The following CSNK2A2IP variants were observed in gnomAD, a reference collection of about 807,000 sequenced individuals.
CSNK2A2IP encodes casein kinase 2 subunit alpha' interacting protein.
At chr3:88,357,797 C>T in the CSNK2A2IP span, among the ~76,000 whole-genome samples, 2 of 152,002 alleles carry the variant, frequency 1.3e-5, no homozygotes, top group East Asian at 3.9e-4. Flanking sequence ...CTCTGTCACC[C>T]AGGCTGGAGT....
At chr3:88,375,500 T>A in the CSNK2A2IP span, among the ~76,000 whole-genome samples, 1 of 151,678 alleles carries the variant, frequency 6.6e-6, no homozygotes, top group African/African-American at 2.4e-5. Context: ...GGGTTAAGAT[T>A]TGTGATAGGT....
At chr3:88,465,261 G>A in the CSNK2A2IP span, 1 of 640,918 alleles carries the variant, frequency 1.6e-6, no homozygotes, top group Non-Finnish European at 2.2e-6. Context: ...TTATGTAAAA[G>A]TATCCATTTT....
the CSNK2A2IP span, among the ~76,000 whole-genome samples, chr3:88,459,075 T>A: frequency 0.035 from 5,342 of 152,112 alleles, 320 homozygotes; most frequent in African/African-American, 0.12. Flanking sequence ...TTATTGCAAT[T>A]TCCAATGATA....
the CSNK2A2IP span, among the ~76,000 whole-genome samples, chr3:88,452,695 A>G: frequency 2.0e-5 from 3 of 152,168 alleles, no homozygotes; most frequent in Non-Finnish European, 4.4e-5. Context: ...TGGAAATAGT[A>G]GCCTAGGAAT....
the CSNK2A2IP span, among the ~76,000 whole-genome samples, chr3:88,378,335 C>T: frequency 6.6e-6 from 1 of 151,664 alleles, no homozygotes; most frequent in Non-Finnish European, 1.5e-5. Context: ...ATGAACTGAA[C>T]TTCTGAATAC....
chr3:88,466,886 A>G, the CSNK2A2IP span: 3 of 1,220,608 alleles, frequency 2.5e-6, no homozygotes, highest in South Asian at 8.3e-5. Flanking sequence ...CCTGAGGCCA[A>G]TTCTGAGGGC....
At chr3:88,425,141 T>A in the CSNK2A2IP span, among the ~76,000 whole-genome samples, 5 of 151,990 alleles carry the variant, frequency 3.3e-5, no homozygotes, top group South Asian at 8.3e-4. Context: ...TTCAGAAAAA[T>A]TGTATATAAC....
chr3:88,376,811 C>T, the CSNK2A2IP span, among the ~76,000 whole-genome samples: 1 of 151,702 alleles, frequency 6.6e-6, no homozygotes, highest in Non-Finnish European at 1.5e-5. Flanking sequence ...TCTAAGGTTA[C>T]CAGCAATTCC....
At chr3:88,435,625 T>A in the CSNK2A2IP span, among the ~76,000 whole-genome samples, 1 of 151,936 alleles carries the variant, frequency 6.6e-6, no homozygotes, top group African/African-American at 2.4e-5. Flanking sequence ...TATGAAATAT[T>A]TCCTCTTTTC....
the CSNK2A2IP span, among the ~76,000 whole-genome samples, chr3:88,423,687 T>A: frequency 1.3e-5 from 2 of 152,292 alleles, no homozygotes; most frequent in South Asian, 4.1e-4. Flanking sequence ...TTGCACTCGT[T>A]GTTTCCTCTC....
chr3:88,339,877 T>C, the CSNK2A2IP span, among the ~76,000 whole-genome samples: 1 of 152,024 alleles, frequency 6.6e-6, no homozygotes, highest in South Asian at 2.1e-4. Context: ...TTAAGACCTA[T>C]TGAAGTAGTT....
At chr3:88,407,311 A>AG in the CSNK2A2IP span, among the ~76,000 whole-genome samples, 1 of 150,688 alleles carries the variant, frequency 6.6e-6, no homozygotes, top group African/African-American at 2.4e-5. Context: ...AAAAAAAAAA[A>AG]AGGAGAGGGA....
chr3:88,404,276 C>G, the CSNK2A2IP span, among the ~76,000 whole-genome samples: 4 of 151,966 alleles, frequency 2.6e-5, no homozygotes, highest in South Asian at 2.1e-4. Context: ...TAACTTAACA[C>G]CAATGGAAAT....
the CSNK2A2IP span, among the ~76,000 whole-genome samples, chr3:88,376,195 T>A: frequency 2.6e-5 from 4 of 151,780 alleles, no homozygotes; most frequent in Non-Finnish European, 5.9e-5. Context: ...ATTGGTGTGC[T>A]CTGTGATTTG....
chr3:88,464,710 T>C, the CSNK2A2IP span, among the ~76,000 whole-genome samples: 3 of 149,748 alleles, frequency 2.0e-5, no homozygotes, highest in Non-Finnish European at 4.4e-5. Context: ...TTTCTCTGAG[T>C]TTTTTTTTAC....
chr3:88,371,132 T>C, the CSNK2A2IP span, among the ~76,000 whole-genome samples: 43 of 151,870 alleles, frequency 2.8e-4, no homozygotes, highest in African/African-American at 1.0e-3. Flanking sequence ...CAACAAGAAA[T>C]TACTAGCCAT....
the CSNK2A2IP span, among the ~76,000 whole-genome samples, chr3:88,434,203 T>C: frequency 4.6e-5 from 7 of 152,062 alleles, no homozygotes; most frequent in African/African-American, 1.2e-4. Flanking sequence ...AGTATTCGAG[T>C]GCACTGTTTC....
the CSNK2A2IP span, among the ~76,000 whole-genome samples, chr3:88,420,590 A>G: frequency 1.3e-5 from 2 of 152,178 alleles, no homozygotes. Context: ...TACAACATAA[A>G]AATGTTTAAT....
the CSNK2A2IP span, among the ~76,000 whole-genome samples, chr3:88,436,172 C>A: frequency 1.3e-5 from 2 of 152,000 alleles, no homozygotes; most frequent in African/African-American, 4.8e-5. Flanking sequence ...ATATTTTAAA[C>A]ATTATAAACA....
Sources: gnomAD v4.1 joint callset for allele counts (sites outside exome capture counted in the v4.1 genomes callset) on GRCh38, gnomAD v4.1.1 for gene constraint, MANE v1.5 for transcripts, NCBI Gene and HGNC (gene_info 2026-07-23, HGNC 2026-07-21) for gene names.